The following XKR4 variants were observed in gnomAD, a reference collection of about 807,000 sequenced individuals.
XKR4 encodes the protein XK related 4.
A neutral mutation model predicts 53.9 loss-of-function variants in XKR4; 12 were observed. The observed-to-expected ratio is 0.22, with a 90% CI of 0.14 to 0.36. XKR4 has a LOEUF of 0.36. XKR4 is among the 10% of genes least tolerant of loss of function. XKR4 has a pLI of 1.00. For missense variants in XKR4, 799 were observed against 859.5 expected (o/e 0.93, Z 0.88); for synonymous variants, 354 against 362.4 (o/e 0.98, Z 0.26).
chr8:55,498,739 C>T (rs1214870687), intron 2 of XKR4, among the ~76,000 whole-genome samples: 1 of 152,132 alleles, frequency 6.6e-6, no homozygotes, highest in Non-Finnish European at 1.5e-5. Flanking sequence ...TGCCACTGCA[C>T]TCCACCCTGG....
intron 1 of XKR4, among the ~76,000 whole-genome samples, chr8:55,139,262 G>A (rs1230015181): frequency 6.6e-6 from 1 of 152,200 alleles, no homozygotes; most frequent in African/African-American, 2.4e-5. Context: ...TAGGCCGGGT[G>A]CAGTGGCTCA....
intron 1 of XKR4, chr8:55,164,164 T>C (rs955177724): frequency 4.6e-5 from 21 of 456,608 alleles, no homozygotes; most frequent in African/African-American, 3.8e-4. Flanking sequence ...CAAGCGCCAC[T>C]GGCCTGGCCC....
intron 1 of XKR4, among the ~76,000 whole-genome samples, chr8:55,353,426 A>G (rs1329732460): frequency 6.6e-6 from 1 of 152,198 alleles, no homozygotes; most frequent in East Asian, 1.9e-4. Context: ...GAGGAATGCC[A>G]AAGATTGCCA....
chr8:55,336,126 A>G (rs1161923842), intron 1 of XKR4, among the ~76,000 whole-genome samples: 1 of 151,822 alleles, frequency 6.6e-6, no homozygotes, highest in African/African-American at 2.4e-5. Context: ...CCCAAATCTC[A>G]TCTTAAATTG....
chr8:55,111,377 C>A (rs754334561), intron 1 of XKR4, among the ~76,000 whole-genome samples: 7 of 152,210 alleles, frequency 4.6e-5, no homozygotes, highest in African/African-American at 1.2e-4. Context: ...TTGCCTAGTA[C>A]CTAGGGTATA....
chr8:55,502,681 T>G (rs754918833), intron 2 of XKR4, among the ~76,000 whole-genome samples: 17 of 152,160 alleles, frequency 1.1e-4, no homozygotes, highest in Non-Finnish European at 2.4e-4. Context: ...GTCTTTTTAC[T>G]CTGTTGATAG....
At chr8:55,437,410 A>G (rs1805192256) in intron 2 of XKR4, among the ~76,000 whole-genome samples, 1 of 152,150 alleles carries the variant, frequency 6.6e-6, no homozygotes, top group African/African-American at 2.4e-5. Context: ...AATCAGGGTT[A>G]AGTAGAGATA....
At chr8:55,133,736 A>C (rs914122460) in intron 1 of XKR4, among the ~76,000 whole-genome samples, 2 of 152,258 alleles carry the variant, frequency 1.3e-5, no homozygotes, top group African/African-American at 4.8e-5. Flanking sequence ...ATTTTGATAC[A>C]TAATGAAGGA....
At chr8:55,248,228 T>C (rs1818316275) in intron 1 of XKR4, among the ~76,000 whole-genome samples, 1 of 152,322 alleles carries the variant, frequency 6.6e-6, no homozygotes, top group South Asian at 2.1e-4. Flanking sequence ...ACATTTATCA[T>C]TCATCACAAG....
intron 2 of XKR4, among the ~76,000 whole-genome samples, chr8:55,369,165 C>T (rs1230706797): frequency 6.6e-6 from 1 of 151,582 alleles, no homozygotes; most frequent in Non-Finnish European, 1.5e-5. Flanking sequence ...AGTTTGAGAC[C>T]AGCCTGAGCA....
intron 2 of XKR4, among the ~76,000 whole-genome samples, chr8:55,473,455 C>T (rs1805919626): frequency 6.6e-6 from 1 of 152,082 alleles, no homozygotes; most frequent in African/African-American, 2.4e-5. Context: ...AGTAGAATGT[C>T]AAGATAACTT....
intron 2 of XKR4, among the ~76,000 whole-genome samples, chr8:55,417,544 T>C (rs1428755171): frequency 1.3e-5 from 2 of 152,208 alleles, no homozygotes; most frequent in African/African-American, 4.8e-5. Context: ...AATTGCAAAC[T>C]GGTCATCACT....
intron 1 of XKR4, among the ~76,000 whole-genome samples, chr8:55,230,052 A>G (rs2129366749): frequency 6.6e-6 from 1 of 152,018 alleles, no homozygotes; most frequent in African/African-American, 2.4e-5. Context: ...TGTTGCAATC[A>G]TTTTCTAAGC....
At chr8:55,314,472 A>C (rs1819435263) in intron 1 of XKR4, among the ~76,000 whole-genome samples, 1 of 152,084 alleles carries the variant, frequency 6.6e-6, no homozygotes, top group Non-Finnish European at 1.5e-5. Flanking sequence ...ATTTGTCCCG[A>C]CATTCAGCTC....
chr8:55,211,513 T>C (rs1189412445), intron 1 of XKR4, among the ~76,000 whole-genome samples: 1 of 152,226 alleles, frequency 6.6e-6, no homozygotes, highest in Non-Finnish European at 1.5e-5. Flanking sequence ...CTATGGTATG[T>C]CACTATATGA....
At chr8:55,188,154 A>G (rs1817402759) in intron 1 of XKR4, among the ~76,000 whole-genome samples, 1 of 152,180 alleles carries the variant, frequency 6.6e-6, no homozygotes, top group Non-Finnish European at 1.5e-5. Context: ...AACTTAGAGG[A>G]GTATATAGTT....
intron 2 of XKR4, among the ~76,000 whole-genome samples, chr8:55,431,002 G>A (rs1388254946): frequency 6.6e-6 from 1 of 152,314 alleles, no homozygotes; most frequent in East Asian, 1.9e-4. Flanking sequence ...TGGGCAGGGA[G>A]GCGAACTGAG....
intron 1 of XKR4, chr8:55,272,913 A>T (rs1418736991): frequency 2.2e-6 from 1 of 454,250 alleles, no homozygotes; most frequent in Admixed American, 2.4e-5. Context: ...AGATATTTCA[A>T]CTATTGGGTA....
chr8:55,404,493 G>T (rs765540144), intron 2 of XKR4, among the ~76,000 whole-genome samples: 3 of 152,174 alleles, frequency 2.0e-5, no homozygotes, highest in Non-Finnish European at 4.4e-5. Flanking sequence ...CAATGGTAGC[G>T]TCATTTCCCC....
Sources: allele counts gnomAD v4.1 joint callset (sites outside exome capture counted in the v4.1 genomes callset), GRCh38; gene constraint gnomAD v4.1.1; transcripts MANE v1.5; gene names NCBI Gene and HGNC (gene_info 2026-07-23, HGNC 2026-07-21).